SEMA5B: variants seen among roughly 807,000 people sequenced by gnomAD.
SEMA5B encodes the protein semaphorin 5B, also known as semaphorin-5B.
SEMA5B carries 66 observed loss-of-function variants against 135.0 expected under a neutral mutation model. The ratio of observed to expected loss-of-function variants is 0.49; its 90% confidence interval spans 0.40 to 0.60. SEMA5B has a LOEUF of 0.60. Ranked by LOEUF, SEMA5B falls within the 20% of genes least tolerant of loss-of-function variation. SEMA5B has a pLI of 0.00. For missense variants in SEMA5B, 1,501 were observed against 1,566.3 expected, an observed-to-expected ratio of 0.96 and a Z score of 0.70; for synonymous variants, 690 against 639.5, an observed-to-expected ratio of 1.08 and a Z score of -1.19.
intron 1 of SEMA5B, chr3:122,975,945 A>G (rs1485377366): frequency 6.6e-7 from 1 of 1,522,074 alleles, no homozygotes; most frequent in Non-Finnish European, 8.8e-7. Context: ...CCCTCCATCC[A>G]ACCTCCTCAA....
intron 1 of SEMA5B, among the ~76,000 whole-genome samples, chr3:123,007,827 T>C (rs1429978475): frequency 6.6e-6 from 1 of 152,182 alleles, no homozygotes; most frequent in Non-Finnish European, 1.5e-5. Flanking sequence ...ATGTATTCTG[T>C]TACAAGCAAC....
At chr3:122,983,903 G>C (rs1255389962) in intron 1 of SEMA5B, among the ~76,000 whole-genome samples, 1 of 152,102 alleles carries the variant, frequency 6.6e-6, no homozygotes, top group African/African-American at 2.4e-5. Flanking sequence ...TGGAAGCAGA[G>C]GGAAAGGGAG....
chr3:122,966,986 G>A (rs755369697), intron 1 of SEMA5B, among the ~76,000 whole-genome samples: 5 of 151,458 alleles, frequency 3.3e-5, no homozygotes, highest in Admixed American at 1.3e-4. Flanking sequence ...CTGGGTTCAA[G>A]CGATTCTCCT....
chr3:122,919,071 C>T (rs1938220452), intron 12 of SEMA5B, among the ~76,000 whole-genome samples: 1 of 142,930 alleles, frequency 7.0e-6, no homozygotes, highest in Admixed American at 7.3e-5. Flanking sequence ...ATTCCATGGG[C>T]TCGGAGGTGT....
intron 2 of SEMA5B, among the ~76,000 whole-genome samples, chr3:122,960,018 C>T (rs140066421): frequency 9.3e-4 from 141 of 152,312 alleles, no homozygotes; most frequent in African/African-American, 3.3e-3. Flanking sequence ...TTTTCCTCCT[C>T]CCCCTGGGCA....
At chr3:122,972,616 C>A (rs766283266) in intron 1 of SEMA5B, among the ~76,000 whole-genome samples, 68 of 152,236 alleles carry the variant, frequency 4.5e-4, no homozygotes, top group Non-Finnish European at 8.8e-4. Flanking sequence ...TGGGCCAGCA[C>A]TGGGGAGAGA....
At chr3:122,946,858 G>A (rs1939810782) in intron 3 of SEMA5B, among the ~76,000 whole-genome samples, 1 of 152,182 alleles carries the variant, frequency 6.6e-6, no homozygotes, top group African/African-American at 2.4e-5. Flanking sequence ...TCTGTAGGAG[G>A]ATGGGGCGAG....
chr3:123,017,091 C>CCAA, intron 1 of SEMA5B, among the ~76,000 whole-genome samples: 1 of 152,042 alleles, frequency 6.6e-6, no homozygotes, highest in African/African-American at 2.4e-5. Context: ...TGGGGTTTCA[C>CCAA]TGTTAGCCAG....
At chr3:122,949,006 A>T (rs751618146) in intron 2 of SEMA5B, among the ~76,000 whole-genome samples, 1 of 151,804 alleles carries the variant, frequency 6.6e-6, no homozygotes, top group African/African-American at 2.4e-5. Flanking sequence ...TAGGGATTTT[A>T]ATAAATGGAG....
chr3:122,937,148 G>A (rs546871286), intron 5 of SEMA5B, among the ~76,000 whole-genome samples: 31 of 145,652 alleles, frequency 2.1e-4, no homozygotes, highest in Admixed American at 1.3e-3. Context: ...GAAGCTGGGC[G>A]GGGGCACCCT....
At chr3:122,940,999 C>T (rs1266412151) in intron 4 of SEMA5B, among the ~76,000 whole-genome samples, 4 of 152,186 alleles carry the variant, frequency 2.6e-5, no homozygotes, top group Non-Finnish European at 5.9e-5. Context: ...ATCACAACAT[C>T]GCAGTCAACT....
chr3:122,994,494 G>T (rs1941976421), intron 1 of SEMA5B, among the ~76,000 whole-genome samples: 1 of 152,206 alleles, frequency 6.6e-6, no homozygotes, highest in African/African-American at 2.4e-5. Context: ...ACGTTTCCCT[G>T]CCATGATGGG....
chr3:122,916,200 G>T (rs951084337), intron 12 of SEMA5B, among the ~76,000 whole-genome samples: 2 of 152,212 alleles, frequency 1.3e-5, no homozygotes, highest in Non-Finnish European at 2.9e-5. Flanking sequence ...GTTTAAAAGA[G>T]ACGGCACTGC....
At chr3:123,021,732 G>A (rs931370629) in intron 1 of SEMA5B, among the ~76,000 whole-genome samples, 3 of 152,184 alleles carry the variant, frequency 2.0e-5, no homozygotes, top group Non-Finnish European at 4.4e-5. Context: ...ACGAAACTGC[G>A]GACAGAACTG....
chr3:122,933,499 T>A (rs1939086482), intron 5 of SEMA5B, among the ~76,000 whole-genome samples: 1 of 152,226 alleles, frequency 6.6e-6, no homozygotes, highest in East Asian at 1.9e-4. Flanking sequence ...TTCTCCTTAA[T>A]AACAGTGTCC....
At chr3:123,012,755 TC>T (rs1483936680) in intron 1 of SEMA5B, among the ~76,000 whole-genome samples, 3 of 152,022 alleles carry the variant, frequency 2.0e-5, no homozygotes, top group Non-Finnish European at 2.9e-5. Flanking sequence ...CACACTACCT[TC>T]CCCCCTCCTC....
intron 1 of SEMA5B, among the ~76,000 whole-genome samples, chr3:122,967,413 T>C (rs1005909928): frequency 7.2e-5 from 11 of 152,256 alleles, no homozygotes; most frequent in African/African-American, 2.6e-4. Flanking sequence ...GAGTAGCAGG[T>C]GCTGTTGGTG....
chr3:123,024,716 C>T (rs535797361), intron 1 of SEMA5B, among the ~76,000 whole-genome samples: 1 of 152,260 alleles, frequency 6.6e-6, no homozygotes, highest in East Asian at 1.9e-4. Context: ...CAGTCAATCC[C>T]CAAGGTACAG....
chr3:122,914,011 TG>T lies in SEMA5B; in HGVS notation c.1989-11del. ...GGTCCACGCCCCATTCCTGGCGGGGTGGGAGGGGACAGAGACAGATGCCCCT... is the reference window on the plus strand; with the variant it reads ...GGTCCACGCCCCATTCCTGGCGGGGTGGAGGGGACAGAGACAGATGCCCCT... On this transcript the variant is annotated splice_polypyrimidine_tract_variant and intron_variant, in intron 14 of 22. Coordinates refer to ENST00000357599, the MANE Select transcript of SEMA5B (RefSeq NM_001031702.4). The T allele has an allele frequency of 6.4e-7, 1 of 1,573,740 alleles. No individual in the cohort carries two copies.
Sources: allele counts gnomAD v4.1 joint callset (sites outside exome capture counted in the v4.1 genomes callset), GRCh38; gene constraint gnomAD v4.1.1; transcripts MANE v1.5; gene names NCBI Gene and HGNC (gene_info 2026-07-23, HGNC 2026-07-21).